The following CADPS variants were observed in gnomAD, a reference collection of about 807,000 sequenced individuals.
CADPS encodes calcium dependent secretion activator.
In CADPS, 57 loss-of-function variants were observed where a neutral mutation model predicts 167.3. The observed-to-expected ratio is 0.34, with a 90% CI of 0.28 to 0.42. The LOEUF (loss-of-function observed/expected upper bound fraction) is 0.42, where lower values mean the gene tolerates loss of function less well. Among genes scored for constraint, CADPS ranks in the 20% least tolerant of loss-of-function variants. The pLI is 1.00. For synonymous variants in CADPS, 676 were observed against 635.3 expected (o/e 1.06, Z -0.96); for missense variants, 1,414 against 1,738.1 (o/e 0.81, Z 3.32).
At chr3:62,485,341 A>C (rs1246705146) in intron 21 of CADPS, among the ~76,000 whole-genome samples, 3 of 152,058 alleles carry the variant, frequency 2.0e-5, no homozygotes, top group African/African-American at 7.2e-5. Flanking sequence ...CAGCGTTTGC[A>C]TGCTCTCCCT....
chr3:62,698,757 T>TTTTTC lies in CADPS; in HGVS notation c.889-36364_889-36363insGAAAA, dbSNP rs1554088701. Among the ~76,000 whole-genome samples, 11 of 79,330 alleles carry TTTTTC rather than the reference T, an allele frequency of 1.4e-4. 4 individuals carry two copies. The highest frequency in any genetic ancestry group is 2.2e-4 in the Non-Finnish European group (9 of 41,834). The allele number at this position is 79,330 out of a possible 152,430, so 52.0% of individuals were successfully genotyped here. ...TTTTTTTTTTTTTTTTTTTTTTTTTTCAGACAGGGTCTTGCTTTGTCACCC... is the reference window on the plus strand; with the variant it reads ...TTTTTTTTTTTTTTTTTTTTTTTTTTTTTTCCAGACAGGGTCTTGCTTTGTCACCC... On this transcript the variant is annotated intron_variant, in intron 3 of 29. Transcript: ENST00000383710.
intron 13 of CADPS, among the ~76,000 whole-genome samples, chr3:62,522,220 T>C (rs1218016214): frequency 6.6e-6 from 1 of 152,136 alleles, no homozygotes; most frequent in East Asian, 1.9e-4. Flanking sequence ...CACTGCAGCA[T>C]TGACATCTCA....
chr3:62,690,497 A>T (rs1250918822), intron 3 of CADPS, among the ~76,000 whole-genome samples: 1 of 151,956 alleles, frequency 6.6e-6, no homozygotes, highest in Non-Finnish European at 1.5e-5. Context: ...CAGGGAAGTC[A>T]GTGCCTGACT....
chr3:62,840,468 A>G lies in CADPS; in HGVS notation c.441+34121T>C, dbSNP rs117153614. Reference sequence around the variant, plus strand: ...ATCACCATGATACTTTCAATCATATAAATGAAAACTTAGTTTTTTGAACTG... The same window carrying G: ...ATCACCATGATACTTTCAATCATATGAATGAAAACTTAGTTTTTTGAACTG... On this transcript the variant is annotated intron_variant, in intron 1 of 29. Transcript: ENST00000383710. 5.0e-4 allele frequency among the ~76,000 whole-genome samples: 76 copies of G among 152,324 alleles called. 1 individual carries two copies. The East Asian group carries it at 0.015, about 29-fold the overall frequency.
intron 3 of CADPS, among the ~76,000 whole-genome samples, chr3:62,696,642 A>G (rs2080333013): frequency 6.6e-6 from 1 of 152,044 alleles, no homozygotes; most frequent in Admixed American, 6.6e-5. Context: ...CCTATATGAT[A>G]TCTTAAAGTT....
At chr3:62,820,042 CACAT>C (rs2152925838) in intron 1 of CADPS, among the ~76,000 whole-genome samples, 1 of 152,120 alleles carries the variant, frequency 6.6e-6, no homozygotes, top group East Asian at 1.9e-4. Context: ...CACACACACA[CACAT>C]GCACACACGA....
intron 9 of CADPS, among the ~76,000 whole-genome samples, chr3:62,565,051 TC>T (rs1430860451): frequency 1.3e-5 from 2 of 152,240 alleles, no homozygotes; most frequent in African/African-American, 4.8e-5. Flanking sequence ...GTTCTGGCTA[TC>T]CAGCAGTGCT....
chr3:62,727,168 C>A (rs554348), intron 3 of CADPS, among the ~76,000 whole-genome samples: 1 of 151,416 alleles, frequency 6.6e-6, no homozygotes, highest in African/African-American at 2.4e-5. Context: ...TAGCATACAC[C>A]GAAGAGCATG....
chr3:62,599,181 G>A (rs1202577266), intron 6 of CADPS, among the ~76,000 whole-genome samples: 1 of 151,890 alleles, frequency 6.6e-6, no homozygotes, highest in Non-Finnish European at 1.5e-5. Flanking sequence ...AGCAGAAGTT[G>A]GAAAGGTTAA....
chr3:62,555,516 C>T (rs1324012760), intron 10 of CADPS, among the ~76,000 whole-genome samples: 2 of 152,188 alleles, frequency 1.3e-5, no homozygotes, highest in Non-Finnish European at 2.9e-5. Flanking sequence ...CAGTCTTAAA[C>T]AATAGCCTTT....
intron 3 of CADPS, among the ~76,000 whole-genome samples, chr3:62,670,889 C>T (rs1318790453): frequency 3.3e-5 from 5 of 152,144 alleles, no homozygotes; most frequent in African/African-American, 1.2e-4. Flanking sequence ...GGCATCAACC[C>T]ACTTTTATAG....
intron 1 of CADPS, among the ~76,000 whole-genome samples, chr3:62,852,394 G>A (rs888371455): frequency 1.3e-5 from 2 of 152,120 alleles, no homozygotes; most frequent in African/African-American, 4.8e-5. Context: ...GTAGACCGGA[G>A]CTGTTCCTAT....
At chr3:62,702,412 G>T (rs1352227202) in intron 3 of CADPS, among the ~76,000 whole-genome samples, 1 of 152,128 alleles carries the variant, frequency 6.6e-6, no homozygotes, top group Non-Finnish European at 1.5e-5. Flanking sequence ...GTCGGGGGAA[G>T]AATGATAGTG....
At chr3:62,800,002 G>C (rs559780565) in intron 1 of CADPS, among the ~76,000 whole-genome samples, 14 of 152,280 alleles carry the variant, frequency 9.2e-5, no homozygotes, top group African/African-American at 3.4e-4. Context: ...GAGCAGGTTT[G>C]CTAGCAGTAC....
rs538992115 is a variant in CADPS at position 62,608,144 on chromosome 3, A to T, written c.1326-15396T>A. On this transcript the variant is annotated intron_variant, in intron 6 of 29. Coordinates refer to ENST00000383710, the MANE Select transcript of CADPS (RefSeq NM_003716.4). ...GTTGCATCTGGGGCTCCTTACACTGACCACTGGGGCTATGTTAAGTTCACC... is the reference window on the plus strand; with the variant it reads ...GTTGCATCTGGGGCTCCTTACACTGTCCACTGGGGCTATGTTAAGTTCACC... 1.4e-4 allele frequency among the ~76,000 whole-genome samples: 21 copies of T among 152,118 alleles called. No homozygotes were observed. In the East Asian group the frequency reaches 4.1e-3, roughly 29 times the overall value.
chr3:62,435,970 AATT>A (rs2054940236), intron 28 of CADPS, among the ~76,000 whole-genome samples: 1 of 151,818 alleles, frequency 6.6e-6, no homozygotes, highest in Non-Finnish European at 1.5e-5. Context: ...ACTATTAATT[AATT>A]AATTAATTAA....
At chr3:62,517,651 T>G (rs9818715) in intron 14 of CADPS, among the ~76,000 whole-genome samples, 7,564 of 152,192 alleles carry the variant, frequency 0.05, 299 homozygotes, top group African/African-American at 0.11. Flanking sequence ...GATGTAAGGC[T>G]CAAGCACAGA....
intron 22 of CADPS, among the ~76,000 whole-genome samples, chr3:62,481,221 T>C (rs961252130): frequency 6.6e-5 from 10 of 152,338 alleles, no homozygotes; most frequent in Admixed American, 5.9e-4. Flanking sequence ...GCCCTGAACA[T>C]ACTGTTACTA....
chr3:62,590,408 G>A (rs1194570027), intron 7 of CADPS, among the ~76,000 whole-genome samples: 1 of 152,104 alleles, frequency 6.6e-6, no homozygotes, highest in Non-Finnish European at 1.5e-5. Flanking sequence ...CTCTATGTGT[G>A]TCTCTCTTTC....
Sources: gnomAD v4.1 joint callset for allele counts (sites outside exome capture counted in the v4.1 genomes callset) on GRCh38, gnomAD v4.1.1 for gene constraint, MANE v1.5 for transcripts, NCBI Gene and HGNC (gene_info 2026-07-23, HGNC 2026-07-21) for gene names.